The following FLT3 variants were observed in gnomAD, a reference collection of about 807,000 sequenced individuals.
FLT3 encodes the protein fms related receptor tyrosine kinase 3, also known as receptor-type tyrosine-protein kinase FLT3.
A neutral mutation model predicts 126.6 loss-of-function variants in FLT3; 46 were observed. That is an observed-to-expected ratio of 0.36 (90% CI 0.29 to 0.46). The LOEUF is 0.46. Ranked by LOEUF, FLT3 falls within the 20% of genes least tolerant of loss-of-function variation. The pLI is 1.00. For synonymous variants in FLT3, 404 were observed against 434.4 expected (o/e 0.93, Z 0.87); for missense variants, 1,069 against 1,190.3 (o/e 0.90, Z 1.50).
At chr13:28,024,587 G>C (rs1045861724) in intron 18 of FLT3, among the ~76,000 whole-genome samples, 3 of 152,194 alleles carry the variant, frequency 2.0e-5, no homozygotes, top group African/African-American at 7.2e-5. Context: ...TGTAACTTCG[G>C]AACTCATTAT....
chr13:28,083,563 G>A (rs1022696143), intron 1 of FLT3, among the ~76,000 whole-genome samples: 1 of 152,130 alleles, frequency 6.6e-6, no homozygotes, highest in Non-Finnish European at 1.5e-5. Context: ...TATAGAATTG[G>A]TTTTATTTCC....
chr13:28,080,754 A>G (rs1412852799), intron 1 of FLT3, among the ~76,000 whole-genome samples: 1 of 152,226 alleles, frequency 6.6e-6, no homozygotes, highest in Non-Finnish European at 1.5e-5. Context: ...GTTTTCTCCT[A>G]GAAGTCATAT....
intron 1 of FLT3, among the ~76,000 whole-genome samples, chr13:28,092,443 T>C (rs1879176086): frequency 6.6e-6 from 1 of 152,016 alleles, no homozygotes; most frequent in Admixed American, 6.6e-5. Flanking sequence ...CATAGCTCAC[T>C]GCAGCCTCAA....
intron 18 of FLT3, among the ~76,000 whole-genome samples, chr13:28,024,334 G>A (rs2491243): frequency 0.46 from 70,551 of 151,742 alleles, 18,161 homozygotes; most frequent in East Asian, 0.68. Context: ...GTTTCTCCAT[G>A]TTGGGCCAGG....
rs763688464 is a variant in FLT3 at position 28,034,407 on chromosome 13, C to A, written c.1598G>T (p.Gly533Val). 6.2e-7 allele frequency: 1 copy of A among 1,607,680 alleles called. No homozygotes were observed. The highest frequency in any genetic ancestry group is 2.2e-5 in the East Asian group (1 of 44,842). Residue 533 changes from glycine (G) to valine (V), a missense_variant and splice_region_variant, in exon 13 of 24, where the codon GGC (glycine) becomes GTC (valine). Coordinates refer to ENST00000241453, the MANE Select transcript of FLT3 (RefSeq NM_004119.3). ...GTTGTCTTGGATGAAAGGGAAGGGG[C>A]CTGCAACAAAAGAGTGTCACTCAGC... Reference protein sequence around the residue: ...SCETILLNSPGPFPFIQDNIS... With the variant: ...SCETILLNSPVPFPFIQDNIS...
At chr13:28,070,898 G>C (rs1193878882) in intron 1 of FLT3, among the ~76,000 whole-genome samples, 1 of 150,890 alleles carries the variant, frequency 6.6e-6, no homozygotes, top group African/African-American at 2.4e-5. Flanking sequence ...TTAAGCTTTT[G>C]AAATGAGGCT....
At chr13:28,037,071 A>C in intron 10 of FLT3, 114 bp downstream of exon 10, 1 of 649,134 alleles carries the variant, frequency 1.5e-6, no homozygotes. Flanking sequence ...TTCAGCGTAC[A>C]AAAACAGTTT....
At chr13:28,024,410 G>A (rs561962258) in intron 18 of FLT3, among the ~76,000 whole-genome samples, 4 of 152,354 alleles carry the variant, frequency 2.6e-5, no homozygotes, top group South Asian at 2.1e-4. Context: ...GATTACAGGC[G>A]TGAGCCACCA....
At chr13:28,088,870 T>TG (rs148170095) in intron 1 of FLT3, among the ~76,000 whole-genome samples, 25,554 of 152,000 alleles carry the variant, frequency 0.17, 2,364 homozygotes, top group Middle Eastern at 0.27. Context: ...AAGCGTGAGC[T>TG]GCCCACCCAG....
chr13:28,053,160 C>A (rs1476822423), intron 4 of FLT3, among the ~76,000 whole-genome samples: 1 of 101,014 alleles, frequency 9.9e-6, no homozygotes, highest in Non-Finnish European at 2.0e-5. Flanking sequence ...GTTGAGCCTC[C>A]CACTCACCCT....
At chr13:28,039,698 G>A (rs772534542) in intron 9 of FLT3, among the ~76,000 whole-genome samples, 15 of 151,896 alleles carry the variant, frequency 9.9e-5, no homozygotes, top group East Asian at 5.8e-4. Flanking sequence ...ACAGGCACAC[G>A]CCACCACAGC....
intron 2 of FLT3, 48 bp from the exon 3 acceptor site, chr13:28,062,117 A>G: frequency 7.1e-7 from 1 of 1,401,224 alleles, no homozygotes; most frequent in Non-Finnish European, 1.0e-6. Flanking sequence ...TGCAGGTCTA[A>G]GGCCTCCCCT....
intron 2 of FLT3, among the ~76,000 whole-genome samples, chr13:28,064,146 C>T (rs906512509): frequency 3.3e-5 from 5 of 151,844 alleles, no homozygotes; most frequent in Non-Finnish European, 1.5e-5. Flanking sequence ...AGAAAATATG[C>T]CAACATATAT....
At chr13:28,024,735 G>A (rs1566064096) in intron 18 of FLT3, 126 bp downstream of exon 18, 1 of 648,238 alleles carries the variant, frequency 1.5e-6, no homozygotes, top group East Asian at 2.7e-5. Context: ...CTGGCTTTTA[G>A]CTATCATCTG....
chr13:28,057,479 A>T lies in FLT3; in HGVS notation c.369-17T>A. ...ACAACTCCTCTGCAAAACAGGAAAG[A>T]GAACTAGTTATTTTGGAAAATGTGT... On this transcript the variant is annotated splice_polypyrimidine_tract_variant and intron_variant, in intron 3 of 23. Transcript: ENST00000241453. The T allele has an allele frequency of 8.8e-7, 1 of 1,136,458 alleles. No homozygotes were observed. Among genetic ancestry groups the T allele is most frequent in the Non-Finnish European group, 1.3e-6 (1 of 746,722 alleles). 70.4% of individuals were successfully genotyped at this position (1,136,458 alleles called of 1,614,324 possible).
chr13:28,033,883 G>C lies in FLT3; in HGVS notation c.1942+4C>G, dbSNP rs1873582111. The C allele has an allele frequency of 1.9e-6, 3 of 1,609,660 alleles. No homozygotes were observed. Among genetic ancestry groups the C allele is most frequent in the Non-Finnish European group, 2.6e-6 (3 of 1,176,010 alleles). ...TTTGTTGCTGTCCTTCCACTATACT[G>C]TACCTTTCAGCATTTTGACGGCAAC... On this transcript the variant is annotated splice_donor_region_variant and intron_variant, in intron 15 of 23. Coordinates refer to ENST00000241453, the MANE Select transcript of FLT3 (RefSeq NM_004119.3).
chr13:28,042,008 G>C (rs1874423443), intron 9 of FLT3, among the ~76,000 whole-genome samples: 1 of 151,902 alleles, frequency 6.6e-6, no homozygotes, highest in African/African-American at 2.4e-5. Flanking sequence ...CAAAAAATTA[G>C]CTGGGCACGG....
At chr13:28,084,586 A>G (rs143441064) in intron 1 of FLT3, among the ~76,000 whole-genome samples, 115 of 152,126 alleles carry the variant, frequency 7.6e-4, no homozygotes, top group African/African-American at 2.7e-3. Context: ...TTTTTTTCTA[A>G]TTTTTGTAGA....
chr13:28,040,277 C>T lies in FLT3; in HGVS notation c.1206-2989G>A, dbSNP rs549741910. Among the ~76,000 whole-genome samples the T allele has an allele frequency of 3.9e-5, 6 of 151,928 alleles. No homozygotes were observed. The East Asian group carries it at 7.7e-4, about 20-fold the overall frequency. ...AAGTAAAAGTTCAGATTTGAGGTTT[C>T]GGAGCATGACAAGGGGAGCGTTGTT... On this transcript the variant is annotated intron_variant, in intron 9 of 23. Transcript: ENST00000241453.
Sources: gnomAD v4.1 joint callset for allele counts (sites outside exome capture counted in the v4.1 genomes callset) on GRCh38, gnomAD v4.1.1 for gene constraint, MANE v1.5 for transcripts, NCBI Gene and HGNC (gene_info 2026-07-23, HGNC 2026-07-21) for gene names.